Variants in MAP6 observed in about 807,000 individuals in gnomAD.
MAP6 encodes microtubule associated protein 6.
In MAP6, 26 loss-of-function variants were observed where a neutral mutation model predicts 42.4. The observed-to-expected ratio is 0.61, with a 90% CI of 0.45 to 0.85. The LOEUF is 0.85. Among genes scored for constraint, MAP6 ranks in the 40% least tolerant of loss-of-function variants. The probability of loss-of-function intolerance (pLI) is 0.00; values close to 1 mark genes in which losing one functional copy is unlikely to be tolerated. For synonymous variants in MAP6, 418 were observed against 443.8 expected (o/e 0.94, Z 0.73); for missense variants, 966 against 1,099.0 (o/e 0.88, Z 1.71).
intron 1 of MAP6, among the ~76,000 whole-genome samples, chr11:75,665,008 T>G (rs982847758): frequency 1.3e-5 from 2 of 152,234 alleles, no homozygotes; most frequent in African/African-American, 2.4e-5. Flanking sequence ...CTTTTGATTA[T>G]ATAGCAAAAT....
Position 75,663,121 on chromosome 11 carries a change from C to T in MAP6, c.905+4344G>A, listed in dbSNP as rs182195322. 9.2e-4 allele frequency among the ~76,000 whole-genome samples: 139 copies of T among 151,590 alleles called. 1 individual carries two copies. The highest frequency in any genetic ancestry group is 1.2e-3 in the Non-Finnish European group (83 of 67,892). ...GGATTACAGGCGCACCCCACCACGC[C>T]CGGCTAATTTTTTGTATTTTTAGTA... On this transcript the variant is annotated intron_variant, in intron 1 of 3. Transcript: ENST00000304771.
At position 75,655,556 on chromosome 11, in the gene MAP6, C is replaced by A. The variant is rs76212838; in HGVS notation, c.905+11909G>T. Among the ~76,000 whole-genome samples the A allele has an allele frequency of 4.5e-3, 683 of 152,368 alleles. 5 individuals are homozygous for A. The highest frequency in any genetic ancestry group is 0.015 in the African/African-American group (644 of 41,592). Reference sequence around the variant, plus strand: ...TTGGTCAGATAATGGAAGGCACTGACTGCACACCCAGATGCCTGGGCCTTG... The same window carrying A: ...TTGGTCAGATAATGGAAGGCACTGAATGCACACCCAGATGCCTGGGCCTTG... On this transcript the variant is annotated intron_variant, in intron 1 of 3. Coordinates refer to ENST00000304771, the MANE Select transcript of MAP6 (RefSeq NM_033063.2).
intron 1 of MAP6, among the ~76,000 whole-genome samples, chr11:75,643,419 C>G (rs1943508074): frequency 6.6e-6 from 1 of 152,096 alleles, no homozygotes; most frequent in African/African-American, 2.4e-5. Flanking sequence ...TCCTTGACAG[C>G]AGGGATCCTG....
At chr11:75,645,714 A>G (rs1424581992) in intron 1 of MAP6, among the ~76,000 whole-genome samples, 2 of 152,214 alleles carry the variant, frequency 1.3e-5, no homozygotes, top group African/African-American at 4.8e-5. Context: ...ACAATAGGAC[A>G]TGATGAAGAA....
At chr11:75,617,770 C>A (rs993145786) in intron 1 of MAP6, among the ~76,000 whole-genome samples, 8 of 152,072 alleles carry the variant, frequency 5.3e-5, no homozygotes, top group Admixed American at 4.6e-4. Flanking sequence ...TGTAAGAAAA[C>A]TTCCCCATAA....
At chr11:75,614,373 G>T (rs773413509) in intron 1 of MAP6, among the ~76,000 whole-genome samples, 3 of 152,164 alleles carry the variant, frequency 2.0e-5, no homozygotes, top group African/African-American at 7.2e-5. Context: ...TTCCTCTTCA[G>T]TGTGGTTGGA....
intron 1 of MAP6, among the ~76,000 whole-genome samples, chr11:75,620,415 G>C (rs981270743): frequency 4.7e-5 from 7 of 150,278 alleles, no homozygotes; most frequent in Admixed American, 2.7e-4. Context: ...AGTTTGCAGT[G>C]AGCAGAGATG....
intron 1 of MAP6, among the ~76,000 whole-genome samples, chr11:75,656,346 C>T (rs1055881523): frequency 6.6e-6 from 1 of 152,172 alleles, no homozygotes. Context: ...CTGCAAAAGC[C>T]TCTTCATTCA....
chr11:75,641,099 GATA>G (rs1943462330), intron 1 of MAP6, among the ~76,000 whole-genome samples: 1 of 152,166 alleles, frequency 6.6e-6, no homozygotes, highest in African/African-American at 2.4e-5. Flanking sequence ...GTCCAGCAAT[GATA>G]GACTGGATTA....
Position 75,587,633 on chromosome 11 carries a change from G to C in MAP6, c.1868C>G (p.Ala623Gly). 1.2e-6 allele frequency: 2 copies of C among 1,613,940 alleles called. No homozygotes were observed. Among genetic ancestry groups the C allele is most frequent in the Non-Finnish European group, 8.5e-7 (1 of 1,179,912 alleles). Residue 623 changes from alanine to glycine, a missense_variant, in exon 4 of 4, where the codon GCA (alanine) becomes GGA (glycine). This residue lies in a region of MAP6 where 943 missense variants were observed against 1,049.9 expected (regional missense o/e 0.90). Coordinates refer to ENST00000304771, the MANE Select transcript of MAP6 (RefSeq NM_033063.2). Reference protein sequence around the residue: ...PVKGEGPIVPAPVKDEGPMVS... With the variant: ...PVKGEGPIVPGPVKDEGPMVS... ...CATGGGACCTTCATCCTTGACAGGT[G>C]CTGGGACTATGGGACCTTCACCCTT...
In MAP6 at chr11:75,587,615, C is replaced by T. The variant is rs1942381235; in HGVS notation, c.1886G>A (p.Gly629Asp). 6.2e-7 allele frequency: 1 copy of T among 1,613,902 alleles called. No homozygotes were observed. The highest frequency in any genetic ancestry group is 8.5e-7 in the Non-Finnish European group (1 of 1,180,004). ...PIVPAPVKDE[G>D]PMVSAPIKDQ... is the part of the protein sequence containing the mutation. ...CTTGATAGGTGCTGAGACCATGGGA[C>T]CTTCATCCTTGACAGGTGCTGGGAC... is the stretch of plus-strand genomic sequence containing the variant. Residue 629 changes from glycine (G) to aspartate (D), a missense_variant, in exon 4 of 4, where the codon GGT becomes GAT. Gly to Asp is a moderately conservative substitution (Grantham distance 94). Coordinates refer to ENST00000304771, the MANE Select transcript of MAP6 (RefSeq NM_033063.2).
At chr11:75,629,739 A>G (rs182543711) in intron 1 of MAP6, among the ~76,000 whole-genome samples, 8 of 152,308 alleles carry the variant, frequency 5.3e-5, no homozygotes, top group African/African-American at 1.7e-4. Flanking sequence ...GTTTGTAAAC[A>G]GGGCTATAGA....
chr11:75,606,080 A>G, intron 2 of MAP6, 76 bp from the exon 3 acceptor site: 1 of 1,531,742 alleles, frequency 6.5e-7, no homozygotes, highest in Non-Finnish European at 8.8e-7. Context: ...GAGAAAAGAT[A>G]TGGTTAATTA....
rs189886009 is a variant in MAP6, at chr11:75,604,175, C to T, written c.1316+1633G>A. On this transcript the variant is annotated intron_variant, in intron 3 of 3. Transcript: ENST00000304771. ...TCGCAGTGGGCCTGATCAACAACTTCGTTTCTGATATTCCTGTTCTGTTAA... is the reference window on the plus strand; with the variant it reads ...TCGCAGTGGGCCTGATCAACAACTTTGTTTCTGATATTCCTGTTCTGTTAA... 8.1e-6 allele frequency: 8 copies of T among 985,856 alleles called. No homozygotes were observed. In the South Asian group the frequency reaches 1.9e-4, roughly 23 times the overall value. The allele number at this position is 985,856 out of a possible 1,614,324, so 61.1% of individuals were successfully genotyped here.
intron 1 of MAP6, among the ~76,000 whole-genome samples, chr11:75,626,630 TATA>T (rs1177884114): frequency 6.6e-6 from 1 of 152,224 alleles, no homozygotes; most frequent in East Asian, 1.9e-4. Context: ...CTGCAGCAAT[TATA>T]ATATCGGTAC....
intron 2 of MAP6, among the ~76,000 whole-genome samples, chr11:75,606,682 G>A (rs1241792789): frequency 4.6e-5 from 7 of 152,192 alleles, no homozygotes; most frequent in African/African-American, 1.7e-4. Flanking sequence ...GATGCTTTGG[G>A]CAGGGGGGCA....
At chr11:75,644,457 C>T (rs1943524013) in intron 1 of MAP6, among the ~76,000 whole-genome samples, 1 of 152,052 alleles carries the variant, frequency 6.6e-6, no homozygotes, top group African/African-American at 2.4e-5. Flanking sequence ...AGGTACTAAT[C>T]CAAGCAGTTT....
In MAP6 at chr11:75,667,890, G is replaced by A; in HGVS notation, c.480C>T (p.Phe160=). 6.9e-7 allele frequency: 1 copy of A among 1,444,768 alleles called. No homozygotes were observed. The highest frequency in any genetic ancestry group is 9.1e-7 in the Non-Finnish European group (1 of 1,095,982). The allele number at this position is 1,444,768 out of a possible 1,614,324, so 89.5% of individuals were successfully genotyped here. Residue 160 remains phenylalanine (F), a synonymous_variant, in exon 1 of 4, where the codon TTC becomes TTT. Transcript: ENST00000304771. The surrounding 1 kb of genome is among the most constrained non-coding windows in gnomAD (Gnocchi z 5.6). The part of the protein sequence containing the change: ...FERETQYQKD[F]RAWPLPRRGD... Reference sequence around the variant, plus strand: ...CGCGGCGCGGCAGCGGCCAGGCGCGGAAGTCCTTCTGGTACTGGGTCTCGC... The same window carrying A: ...CGCGGCGCGGCAGCGGCCAGGCGCGAAAGTCCTTCTGGTACTGGGTCTCGC...
chr11:75,656,748 C>T (rs1454971568), intron 1 of MAP6, among the ~76,000 whole-genome samples: 2 of 152,222 alleles, frequency 1.3e-5, no homozygotes, highest in Non-Finnish European at 2.9e-5. Flanking sequence ...TACCCTTTCT[C>T]CTGAGCTTCA....
Sources: gnomAD v4.1 joint callset for allele counts (sites outside exome capture counted in the v4.1 genomes callset) on GRCh38, gnomAD v4.1.1 for gene constraint, gnomAD v4.1.1 regional missense constraint, Gnocchi (gnomAD v3.1) non-coding constraint, MANE v1.5 for transcripts, NCBI Gene and HGNC (gene_info 2026-07-23, HGNC 2026-07-21) for gene names.